Variants in COBLL1 observed in about 807,000 individuals in gnomAD.
COBLL1 encodes cordon-bleu protein-like 1.
A neutral mutation model predicts 94.8 loss-of-function variants in COBLL1; 50 were observed. The ratio of observed to expected loss-of-function variants is 0.53; its 90% CI spans 0.42 to 0.67. The LOEUF (loss-of-function observed/expected upper bound fraction) is 0.67, where lower values mean the gene tolerates loss of function less well. Among genes scored for constraint, COBLL1 ranks in the 30% least tolerant of loss-of-function variants. COBLL1 has a pLI of 0.00. For missense variants in COBLL1, 1,362 were observed against 1,348.7 expected, an observed-to-expected ratio of 1.01 and a Z score of -0.15; for synonymous variants, 448 against 473.8, an observed-to-expected ratio of 0.95 and a Z score of 0.71.
chr2:164,706,943 C>T (rs1020090939), intron 7 of COBLL1, among the ~76,000 whole-genome samples: 3 of 152,070 alleles, frequency 2.0e-5, no homozygotes, highest in African/African-American at 7.2e-5. Flanking sequence ...ATTAACAACC[C>T]GGTGTCTAGC....
intron 2 of COBLL1, among the ~76,000 whole-genome samples, chr2:164,836,948 C>T (rs937441653): frequency 1.1e-4 from 16 of 152,210 alleles, no homozygotes; most frequent in Admixed American, 8.5e-4. Context: ...AGATGACTCC[C>T]ATGTTGAAAC....
chr2:164,736,544 T>C (rs895801587), intron 3 of COBLL1, among the ~76,000 whole-genome samples: 13 of 152,208 alleles, frequency 8.5e-5, no homozygotes, highest in Admixed American at 2.6e-4. Flanking sequence ...GTCACCACTT[T>C]GGACTCTATC....
exon 2 of COBLL1, chr2:164,665,887 G>A (rs191976995): frequency 6.6e-6 from 1 of 152,290 alleles, no homozygotes; most frequent in Admixed American, 6.5e-5. Flanking sequence ...CAGGTTTACA[G>A]ATGCATTATC....
intron 2 of COBLL1, among the ~76,000 whole-genome samples, chr2:164,818,112 A>T (rs1684870928): frequency 6.6e-6 from 1 of 151,538 alleles, no homozygotes; most frequent in Non-Finnish European, 1.5e-5. Context: ...ACATATATAC[A>T]CGTGTGCATG....
At chr2:164,721,314 T>C (rs3769881) in intron 7 of COBLL1, among the ~76,000 whole-genome samples, 3,676 of 152,306 alleles carry the variant, frequency 0.024, 63 homozygotes, top group East Asian at 0.049. Context: ...CAACAATATA[T>C]ACAGTCTCAT....
intron 12 of COBLL1, chr2:164,692,692 C>T: frequency 4.7e-6 from 1 of 211,338 alleles, no homozygotes; most frequent in Non-Finnish European, 9.3e-6. Flanking sequence ...CTGCTGACTT[C>T]ACCAATACAC....
At chr2:164,825,413 T>C (rs903023315) in intron 2 of COBLL1, among the ~76,000 whole-genome samples, 1 of 152,194 alleles carries the variant, frequency 6.6e-6, no homozygotes, top group Non-Finnish European at 1.5e-5. Flanking sequence ...TTATTCTACC[T>C]GAAAATTTCC....
intron 2 of COBLL1, among the ~76,000 whole-genome samples, chr2:164,769,281 A>C (rs1688085883): frequency 6.6e-6 from 1 of 152,230 alleles, no homozygotes; most frequent in South Asian, 2.1e-4. Context: ...ACCTGCACAA[A>C]GAATAAATTA....
intron 2 of COBLL1, among the ~76,000 whole-genome samples, chr2:164,766,405 G>A (rs766996428): frequency 1.1e-4 from 16 of 152,146 alleles, no homozygotes; most frequent in South Asian, 2.1e-4. Flanking sequence ...TTTCCCCTTA[G>A]TGCCATTCTT....
At chr2:164,672,568 G>A (rs970383421) in intron 1 of COBLL1, among the ~76,000 whole-genome samples, 34 of 151,470 alleles carry the variant, frequency 2.2e-4, no homozygotes, top group Non-Finnish European at 3.8e-4. Flanking sequence ...GCGCGGTGGC[G>A]GGCGCCTGTA....
chr2:164,740,181 G>C (rs1686515950), intron 3 of COBLL1, among the ~76,000 whole-genome samples: 1 of 152,054 alleles, frequency 6.6e-6, no homozygotes, highest in African/African-American at 2.4e-5. Context: ...TGGGCAACAT[G>C]GGGAAATCCC....
At chr2:164,762,445 A>G (rs1287881459) in intron 2 of COBLL1, among the ~76,000 whole-genome samples, 2 of 152,228 alleles carry the variant, frequency 1.3e-5, no homozygotes, top group Non-Finnish European at 1.5e-5. Context: ...CAGGAGAGGT[A>G]GTGGGGAACT....
intron 2 of COBLL1, among the ~76,000 whole-genome samples, chr2:164,839,203 G>C (rs1159564260): frequency 6.6e-6 from 1 of 152,184 alleles, no homozygotes; most frequent in Non-Finnish European, 1.5e-5. Context: ...AATTTGAAAA[G>C]GGGACGGCAA....
chr2:164,670,711 C>T (rs955300818), intron 1 of COBLL1, among the ~76,000 whole-genome samples: 2 of 152,096 alleles, frequency 1.3e-5, no homozygotes, highest in African/African-American at 4.8e-5. Flanking sequence ...CCCTGATGTC[C>T]CTGTGGGAAA....
intron 2 of COBLL1, among the ~76,000 whole-genome samples, chr2:164,792,069 G>A (rs1292811833): frequency 2.6e-5 from 4 of 151,644 alleles, no homozygotes; most frequent in African/African-American, 9.7e-5. Context: ...TACACTTCCC[G>A]AAGCAATCCC....
chr2:164,778,241 G>A (rs1456854814), intron 2 of COBLL1, among the ~76,000 whole-genome samples: 1 of 152,188 alleles, frequency 6.6e-6, no homozygotes, highest in Non-Finnish European at 1.5e-5. Flanking sequence ...GAGGATGGGT[G>A]TGTCAGAAAG....
intron 7 of COBLL1, among the ~76,000 whole-genome samples, chr2:164,721,573 C>A (rs1206295483): frequency 2.0e-5 from 3 of 152,104 alleles, no homozygotes; most frequent in South Asian, 2.1e-4. Context: ...GGCTCATTTT[C>A]TTTTTTCACT....
At chr2:164,773,835 C>T (rs569495752) in intron 2 of COBLL1, 1 of 848,676 alleles carries the variant, frequency 1.2e-6, no homozygotes, top group Admixed American at 4.4e-5. Flanking sequence ...GCGCCAGGCA[C>T]TTCTTACCTC....
At chr2:164,718,145 C>A in intron 7 of COBLL1, 1 of 487,052 alleles carries the variant, frequency 2.1e-6, no homozygotes. Flanking sequence ...ATTGTATATA[C>A]TATACCTGGC....
Sources: allele counts gnomAD v4.1 joint callset (sites outside exome capture counted in the v4.1 genomes callset), GRCh38; gene constraint gnomAD v4.1.1; transcripts MANE v1.5; gene names NCBI Gene and HGNC (gene_info 2026-07-23, HGNC 2026-07-21).